Variants in TLE6 observed in about 807,000 individuals in gnomAD.
The protein encoded by TLE6 is TLE family member 6, subcortical maternal complex member.
In TLE6, 72 loss-of-function variants were observed where a neutral mutation model predicts 77.1. The observed-to-expected ratio is 0.93, with a 90% CI of 0.77 to 1.14. The LOEUF (loss-of-function observed/expected upper bound fraction) is 1.14. TLE6 is among the 50% of genes most tolerant of loss of function. The pLI is 0.00. For synonymous variants in TLE6, 366 were observed against 287.3 expected, an observed-to-expected ratio of 1.27 and a Z score of -2.77; for missense variants, 843 against 747.6, an observed-to-expected ratio of 1.13 and a Z score of -1.49.
intron 5 of TLE6, chr19:2,984,323 G>A (rs902780009): frequency 6.7e-6 from 1 of 149,652 alleles, no homozygotes; most frequent in African/African-American, 2.5e-5. Context: ...GCTGCCCCAG[G>A]AGGCATCAGC....
At chr19:2,988,515 G>C (rs1435000778) in intron 11 of TLE6, among the ~76,000 whole-genome samples, 1 of 152,058 alleles carries the variant, frequency 6.6e-6, no homozygotes, top group East Asian at 1.9e-4. Context: ...GGAGAATGGC[G>C]TGAACCCGGG....
intron 2 of TLE6, among the ~76,000 whole-genome samples, chr19:2,979,115 A>G (rs2088741863): frequency 6.7e-6 from 1 of 149,152 alleles, no homozygotes; most frequent in Admixed American, 6.7e-5. Context: ...CATGACCACC[A>G]AATTTTTCTT....
intron 2 of TLE6, among the ~76,000 whole-genome samples, chr19:2,978,974 G>T (rs1267434540): frequency 6.6e-6 from 1 of 151,962 alleles, no homozygotes; most frequent in African/African-American, 2.4e-5. Context: ...TTATGTTTGA[G>T]ACGGAGTCTC....
chr19:2,991,453 TATAAG>T lies in TLE6; in HGVS notation c.1245-386_1245-382del, dbSNP rs528934494. Among the ~76,000 whole-genome samples the T allele has an allele frequency of 1.3e-3, 193 of 147,926 alleles. No individual in the cohort carries two copies. In the Middle Eastern group the frequency reaches 0.017, roughly 13 times the overall value. ...ATATATAATATATGTATTTATAACA[TATAAG>T]ATATCTATCAGCATATGTTTGCAGG... On this transcript the variant is annotated intron_variant, in intron 13 of 16. Coordinates refer to ENST00000246112, the MANE Select transcript of TLE6 (RefSeq NM_001143986.2).
intron 11 of TLE6, 163 bp from the exon 12 acceptor site, chr19:2,988,898 G>A: frequency 3.0e-6 from 3 of 1,015,910 alleles, no homozygotes; most frequent in Non-Finnish European, 2.8e-6. Flanking sequence ...AATACTTGAA[G>A]GAATATGAGC....
chr19:2,987,184 C>A lies in TLE6; in HGVS notation c.487C>A (p.Leu163Ile). 1.9e-6 allele frequency: 3 copies of A among 1,614,120 alleles called. No individual in the cohort carries two copies. Among genetic ancestry groups the A allele is most frequent in the Non-Finnish European group, 2.5e-6 (3 of 1,180,034 alleles). Residue 163 changes from leucine (L) to isoleucine (I), a missense_variant, in exon 7 of 17, where the codon CTC becomes ATC. Coordinates refer to ENST00000246112, the MANE Select transcript of TLE6 (RefSeq NM_001143986.2). ...WFWHDTLTEQ[L>I]WRIFAGVHDE... ...TTGGCACGACACTCTGACCGAGCAA[C>A]TCTGGCGGATTTTTGCCGGCGTCCA... is the stretch of plus-strand genomic sequence containing the variant.
At position 2,989,758 on chromosome 19, in the gene TLE6, G is replaced by C; in HGVS notation, c.1217G>C (p.Trp406Ser). The C allele has an allele frequency of 6.2e-7, 1 of 1,614,170 alleles. No homozygotes were observed. Among genetic ancestry groups the C allele is most frequent in the African/African-American group, 1.3e-5 (1 of 75,066 alleles). The change falls in exon 13 of 17, where the codon TGG becomes TCG. Residue 406 changes from tryptophan to serine, a missense_variant. By Grantham distance (177) the Trp-to-Ser change is radical. Transcript: ENST00000246112. Reference sequence around the variant, plus strand: ...TTCACCAGTGGTGTGGTCAGGATCTGGGACCTGCGGGATCAGAGTGTGGTC... The same window carrying C: ...TTCACCAGTGGTGTGGTCAGGATCTCGGACCTGCGGGATCAGAGTGTGGTC... ...ASFTSGVVRI[W>S]DLRDQSVVRD...
rs116468764 is a variant in TLE6 at position 2,993,589 on chromosome 19, G to A, written c.1537+7G>A. ...GTCAAGTTCTCCCCCTTTGGTAAGCGGCTGGCGGAAGATGAGGGGACTCCC... is the reference window on the plus strand; with the variant it reads ...GTCAAGTTCTCCCCCTTTGGTAAGCAGCTGGCGGAAGATGAGGGGACTCCC... On this transcript the variant is annotated splice_region_variant and intron_variant, in intron 15 of 16. Transcript: ENST00000246112. The A allele has an allele frequency of 1.8e-3, 2,732 of 1,545,306 alleles. 38 individuals are homozygous for A. In the African/African-American group the frequency reaches 0.029, roughly 16 times the overall value.
At chr19:2,985,523 C>T (rs1396846981) in intron 5 of TLE6, among the ~76,000 whole-genome samples, 1 of 146,456 alleles carries the variant, frequency 6.8e-6, no homozygotes, top group East Asian at 2.1e-4. Flanking sequence ...ATTCTCCTGC[C>T]TCAGCCTCCC....
At chr19:2,986,934 G>C in intron 6 of TLE6, 43 bp downstream of exon 6, 1 of 1,554,786 alleles carries the variant, frequency 6.4e-7, no homozygotes, top group Non-Finnish European at 8.7e-7. Flanking sequence ...ACAGGCTTGG[G>C]TGAAGGCTCA....
intron 13 of TLE6, among the ~76,000 whole-genome samples, chr19:2,991,389 TATATATACAC>T (rs1429250961): frequency 8.8e-6 from 1 of 113,874 alleles, no homozygotes; most frequent in African/African-American, 3.8e-5. Flanking sequence ...TATATATATA[TATATATACAC>T]ACACACACAC....
At chr19:2,978,897 G>C (rs955811226) in intron 2 of TLE6, among the ~76,000 whole-genome samples, 2 of 152,168 alleles carry the variant, frequency 1.3e-5, no homozygotes, top group Non-Finnish European at 1.5e-5. Flanking sequence ...TCTCAGGGCT[G>C]AGCAGACGTT....
In TLE6 at chr19:2,984,786, A is replaced by C. The variant is rs73514547; in HGVS notation, c.223-2043A>C. Among the ~76,000 whole-genome samples the C allele has an allele frequency of 9.1e-3, 1,380 of 152,234 alleles. 14 individuals are homozygous for C. The highest frequency in any genetic ancestry group is 0.03 in the African/African-American group (1,261 of 41,532). On this transcript the variant is annotated intron_variant, in intron 5 of 16. Coordinates refer to ENST00000246112, the MANE Select transcript of TLE6 (RefSeq NM_001143986.2). ...CCTGGCCAATTTCTTTATACTTTGA[A>C]CATGGCTACTAGACATTCCATATGC...
At chr19:2,983,625 A>G (rs956379708) in intron 5 of TLE6, among the ~76,000 whole-genome samples, 1 of 76,730 alleles carries the variant, frequency 1.3e-5, no homozygotes, top group Admixed American at 1.0e-4. Flanking sequence ...TGAGAGGAGG[A>G]GGGGGGGAGG....
chr19:2,982,088 G>A lies in TLE6; in HGVS notation c.181-60G>A, dbSNP rs531239494. 1.8e-5 allele frequency: 28 copies of A among 1,539,154 alleles called. No homozygotes were observed. The Middle Eastern group carries it at 5.0e-4, about 28-fold the overall frequency. ...CAGAGAGGTAGAGCAGCTTGCCCAG[G>A]GTCACACAGCATTCACACCCGGACC... On this transcript the variant is annotated intron_variant, in intron 4 of 16. Coordinates refer to ENST00000246112, the MANE Select transcript of TLE6 (RefSeq NM_001143986.2).
At chr19:2,990,544 C>T (rs528311008) in intron 13 of TLE6, among the ~76,000 whole-genome samples, 21 of 149,886 alleles carry the variant, frequency 1.4e-4, no homozygotes, top group Admixed American at 2.7e-4. Context: ...GCGGAGCTTG[C>T]GGTGAGCCGA....
intron 9 of TLE6, 39 bp downstream of exon 9, chr19:2,987,829 G>A: frequency 6.2e-7 from 1 of 1,614,030 alleles, no homozygotes; most frequent in Non-Finnish European, 8.5e-7. Context: ...CTCCAGGCGG[G>A]ATGGGGTGGG....
At chr19:2,978,074 C>G in intron 1 of TLE6, 124 bp from the exon 2 acceptor site, 1 of 675,570 alleles carries the variant, frequency 1.5e-6, no homozygotes, top group Non-Finnish European at 2.6e-6. Context: ...ATGGGAGAAC[C>G]GCAGGATTGG....
intron 12 of TLE6, 58 bp from the exon 13 acceptor site, chr19:2,989,477 G>A: frequency 6.3e-7 from 1 of 1,579,908 alleles, no homozygotes; most frequent in Non-Finnish European, 8.6e-7. Flanking sequence ...ATGAGGCAAA[G>A]CAGTCCAGGC....
Sources: allele counts gnomAD v4.1 joint callset (sites outside exome capture counted in the v4.1 genomes callset), GRCh38; gene constraint gnomAD v4.1.1; transcripts MANE v1.5; gene names NCBI Gene and HGNC (gene_info 2026-07-23, HGNC 2026-07-21).